The following HIGD1B variants were observed in gnomAD, a reference collection of about 807,000 sequenced individuals.
The protein encoded by HIGD1B is HIG1 domain family member 1B.
HIGD1B carries 9 observed loss-of-function variants against 8.8 expected under a neutral mutation model. That is an observed-to-expected ratio of 1.02 (90% CI 0.62 to 1.78). The LOEUF (loss-of-function observed/expected upper bound fraction) is 1.78. HIGD1B is among the 40% of genes most tolerant of loss of function. The probability of loss-of-function intolerance (pLI) is 0.00; values close to 1 mark genes in which losing one functional copy is unlikely to be tolerated. For synonymous variants in HIGD1B, 47 were observed against 38.8 expected, an observed-to-expected ratio of 1.21 and a Z score of -0.78; for missense variants, 126 against 111.8, an observed-to-expected ratio of 1.13 and a Z score of -0.57.
upstream of HIGD1B, among the ~76,000 whole-genome samples, chr17:44,847,434 C>T (rs1281127903): frequency 3.3e-5 from 5 of 152,174 alleles, no homozygotes; most frequent in African/African-American, 9.6e-5. Flanking sequence ...AGCGAGACTC[C>T]GTCTCAAAAA....
At chr17:44,848,520 G>A (rs998436644) in intron 1 of HIGD1B, among the ~76,000 whole-genome samples, 3 of 152,190 alleles carry the variant, frequency 2.0e-5, no homozygotes, top group Admixed American at 2.0e-4. Context: ...AGAACACCTT[G>A]GGGTCCCCCA....
upstream of HIGD1B, among the ~76,000 whole-genome samples, chr17:44,845,618 CAA>C (rs2050316165): frequency 6.6e-6 from 1 of 151,810 alleles, no homozygotes; most frequent in Non-Finnish European, 1.5e-5. Context: ...GACCCCATCT[CAA>C]AAACAAAACA....
intron 1 of HIGD1B, 167 bp from the exon 2 acceptor site, chr17:44,849,087 A>G: frequency 1.5e-6 from 1 of 689,082 alleles, no homozygotes; most frequent in South Asian, 2.1e-5. Context: ...ACAACTCAAT[A>G]TTCTAATGAT....
At chr17:44,848,739 G>A (rs1209238691) in intron 1 of HIGD1B, among the ~76,000 whole-genome samples, 1 of 151,516 alleles carries the variant, frequency 6.6e-6, no homozygotes, top group Non-Finnish European at 1.5e-5. Flanking sequence ...GAGGGAGGCA[G>A]CCACTTTGAA....
At chr17:44,848,844 C>T (rs761404258) in intron 1 of HIGD1B, among the ~76,000 whole-genome samples, 8 of 152,082 alleles carry the variant, frequency 5.3e-5, no homozygotes, top group East Asian at 1.9e-4. Flanking sequence ...GGCACAGTCT[C>T]GGTTCACCAC....
At chr17:44,847,009 C>T (rs547210193), upstream of HIGD1B, among the ~76,000 whole-genome samples, 176 of 152,126 alleles carry the variant, frequency 1.2e-3, 1 homozygote, top group Middle Eastern at 0.01. Context: ...TGGTACACAC[C>T]TGTAATCCCA....
In HIGD1B at chr17:44,850,316, C is replaced by A. The variant is rs1297521318; in HGVS notation, c.236-16C>A. The A allele has an allele frequency of 3.1e-6, 5 of 1,607,196 alleles. No homozygotes were observed. The highest frequency in any genetic ancestry group is 2.6e-6 in the Non-Finnish European group (3 of 1,175,972). ...GGTTTGATGCCAAGGGGCATTATTT[C>A]TTTTCTCTCACACAGGTGCTGTGTA... is the stretch of plus-strand genomic sequence containing the variant. On this transcript the variant is annotated splice_polypyrimidine_tract_variant and intron_variant, in intron 2 of 2. Coordinates refer to ENST00000253410, the MANE Select transcript of HIGD1B (RefSeq NM_016438.4).
At chr17:44,847,858 T>G, upstream of HIGD1B, 3 of 279,604 alleles carry the variant, frequency 1.1e-5, no homozygotes, top group Non-Finnish European at 6.8e-6. Flanking sequence ...GGGATGCAGA[T>G]GGGGGAAGGG....
intron 1 of HIGD1B, among the ~76,000 whole-genome samples, chr17:44,848,636 G>A (rs926013871): frequency 1.3e-5 from 2 of 149,388 alleles, no homozygotes; most frequent in African/African-American, 4.9e-5. Flanking sequence ...TTGGTGGGGA[G>A]GGGCTGTGTC....
In HIGD1B at chr17:44,849,379, A is replaced by G. The variant is rs137943004; in HGVS notation, c.226A>G (p.Ile76Val). 356 of 1,614,084 alleles carry G rather than the reference A, an allele frequency of 2.2e-4. No individual in the cohort carries two copies. Among genetic ancestry groups the G allele is most frequent in the Non-Finnish European group, 1.1e-4 (132 of 1,179,972 alleles). Residue 76 changes from isoleucine (I) to valine (V), a missense_variant, in exon 2 of 3, where the codon ATC (isoleucine) becomes GTC (valine). Coordinates refer to ENST00000253410, the MANE Select transcript of HIGD1B (RefSeq NM_016438.4). The stretch of plus-strand genomic sequence containing the variant: ...AGCGCAGGCCTGTGCAGTGGGTGCA[A>G]TCATGCTAGGTGAGTAGCTTTGTGG... Reference protein sequence around the residue: ...VAAQACAVGAIMLGAVYTMYS... With the variant: ...VAAQACAVGAVMLGAVYTMYS...
intron 2 of HIGD1B, chr17:44,850,123 GAA>G: frequency 1.9e-6 from 1 of 528,660 alleles, no homozygotes; most frequent in East Asian, 2.9e-5. Flanking sequence ...CAATACATGT[GAA>G]AGTGTTTCGT....
chr17:44,847,944 A>C lies in HIGD1B; in HGVS notation c.-209A>C. ...TAGGAAATGGAGACGGAGAAATGGC[A>C]CTAATGGCCCAGCCACCTGAGATGG... is the stretch of plus-strand genomic sequence containing the variant. On this transcript the variant is annotated 5_prime_UTR_variant, in exon 1 of 3. Transcript: ENST00000253410. 1 of 475,998 alleles carries C rather than the reference A, an allele frequency of 2.1e-6. No individual in the cohort carries two copies. Among genetic ancestry groups the C allele is most frequent in the South Asian group, 2.9e-5 (1 of 34,448 alleles). 29.5% of individuals were successfully genotyped at this position (475,998 alleles called of 1,614,324 possible).
At chr17:44,848,366 G>A in intron 1 of HIGD1B, 114 bp downstream of exon 1, 1 of 660,260 alleles carries the variant, frequency 1.5e-6, no homozygotes, top group Non-Finnish European at 2.7e-6. Flanking sequence ...CCTACTCACG[G>A]AACAAGGGAA....
chr17:44,850,350 ACAG>A lies in HIGD1B; in HGVS notation c.256_258del (p.Ser86del). ...CACACAGGTGCTGTGTACACAATGTACAGCGATTACGTCAAGAGGATGGCACAG... is the reference window on the plus strand; with the variant it reads ...CACACAGGTGCTGTGTACACAATGTACGATTACGTCAAGAGGATGGCACAG... On this transcript the variant is annotated inframe_deletion, in exon 3 of 3. Coordinates refer to ENST00000253410, the MANE Select transcript of HIGD1B (RefSeq NM_016438.4). 3.1e-6 allele frequency: 5 copies of A among 1,613,302 alleles called. No individual in the cohort carries two copies. The highest frequency in any genetic ancestry group is 4.2e-6 in the Non-Finnish European group (5 of 1,179,540).
At chr17:44,849,460 C>T in intron 2 of HIGD1B, 72 bp downstream of exon 2, 1 of 1,573,260 alleles carries the variant, frequency 6.4e-7, no homozygotes, top group Non-Finnish European at 8.7e-7. Context: ...TAAGTCCCAA[C>T]AATTAAAAGG....
At chr17:44,849,189 ATC>A in intron 1 of HIGD1B, 63 bp from the exon 2 acceptor site, 1 of 1,574,514 alleles carries the variant, frequency 6.4e-7, no homozygotes, top group Non-Finnish European at 8.7e-7. Flanking sequence ...CTGGTAAGGT[ATC>A]TCTCATCAGG....
chr17:44,848,314 C>A, intron 1 of HIGD1B, 62 bp downstream of exon 1: 1 of 823,486 alleles, frequency 1.2e-6, no homozygotes. Context: ...CTCCTGGTAC[C>A]CTCCAAAGAG....
At chr17:44,846,579 C>T (rs1286332107), upstream of HIGD1B, among the ~76,000 whole-genome samples, 1 of 151,750 alleles carries the variant, frequency 6.6e-6, no homozygotes, top group East Asian at 1.9e-4. Context: ...GGCAGATCGC[C>T]TGAGACCAGG....
Position 44,850,470 on chromosome 17 carries a change from A to C in HIGD1B, c.*74A>C. The C allele has an allele frequency of 1.8e-6, 2 of 1,139,432 alleles. No individual in the cohort carries two copies. The highest frequency in any genetic ancestry group is 2.6e-6 in the Non-Finnish European group (2 of 765,068). 70.6% of individuals were successfully genotyped at this position (1,139,432 alleles called of 1,614,324 possible). A position where few individuals can be genotyped will look rare whatever the true frequency, so the allele number is the denominator to read the frequency against. On this transcript the variant is annotated 3_prime_UTR_variant, in exon 3 of 3. Coordinates refer to ENST00000253410, the MANE Select transcript of HIGD1B (RefSeq NM_016438.4). ...GTACATTCCTAATAAAGCAGTTTTG[A>C]GGAAAATCAACAGACTCTTTTTCAC... is the stretch of plus-strand genomic sequence containing the variant.
Sources: allele counts gnomAD v4.1 joint callset (sites outside exome capture counted in the v4.1 genomes callset), GRCh38; gene constraint gnomAD v4.1.1; transcripts MANE v1.5; gene names NCBI Gene and HGNC (gene_info 2026-07-23, HGNC 2026-07-21).